The following TRIM9 variants were observed in gnomAD, a reference collection of about 807,000 sequenced individuals.
TRIM9 encodes tripartite motif containing 9.
TRIM9 carries 26 observed loss-of-function variants against 78.3 expected under a neutral mutation model. The observed-to-expected ratio is 0.33, with a 90% CI of 0.24 to 0.46. The LOEUF is 0.46. Ranked by LOEUF, TRIM9 falls within the 20% of genes least tolerant of loss-of-function variation. The pLI is 1.00. For missense variants in TRIM9, 787 were observed against 1,036.4 expected, an observed-to-expected ratio of 0.76 and a Z score of 3.30; for synonymous variants, 398 against 416.5, an observed-to-expected ratio of 0.96 and a Z score of 0.54.
intron 8 of TRIM9, among the ~76,000 whole-genome samples, chr14:50,985,317 G>A (rs1389779653): frequency 6.6e-6 from 1 of 152,094 alleles, no homozygotes; most frequent in African/African-American, 2.4e-5. Flanking sequence ...TTTCTAATTC[G>A]GCTAGCAGTG....
chr14:51,006,011 T>TCAA (rs71121619), intron 5 of TRIM9, among the ~76,000 whole-genome samples: 7,370 of 152,230 alleles, frequency 0.048, 249 homozygotes, highest in Middle Eastern at 0.14. Flanking sequence ...TTCTTTTTTA[T>TCAA]CAACAACAAC....
intron 3 of TRIM9, among the ~76,000 whole-genome samples, chr14:51,020,260 G>C (rs1474420943): frequency 6.6e-6 from 1 of 152,188 alleles, no homozygotes; most frequent in Non-Finnish European, 1.5e-5. Context: ...AAGGGAAAAG[G>C]CAGGGGGAGA....
intron 1 of TRIM9, among the ~76,000 whole-genome samples, chr14:51,049,906 G>A (rs2060259663): frequency 6.6e-6 from 1 of 152,066 alleles, no homozygotes; most frequent in African/African-American, 2.4e-5. Flanking sequence ...GCTCTGGTAT[G>A]TGTAAAAGGT....
intron 6 of TRIM9, among the ~76,000 whole-genome samples, chr14:51,000,445 A>T (rs913712597): frequency 3.9e-5 from 6 of 152,244 alleles, no homozygotes; most frequent in African/African-American, 1.2e-4. Context: ...GAATGCAGGC[A>T]GTCTGACTCC....
intron 10 of TRIM9, 33 bp downstream of exon 10, chr14:50,982,909 G>C (rs1441225743): frequency 1.3e-6 from 2 of 1,538,886 alleles, no homozygotes; most frequent in Non-Finnish European, 8.8e-7. Flanking sequence ...TTTGGTCTTT[G>C]CTATTTGGTA....
intron 3 of TRIM9, among the ~76,000 whole-genome samples, chr14:51,021,159 CT>C (rs2057724776): frequency 6.6e-6 from 1 of 152,136 alleles, no homozygotes; most frequent in South Asian, 2.1e-4. Context: ...GATTGAAGGG[CT>C]ATAGTGACAG....
intron 1 of TRIM9, among the ~76,000 whole-genome samples, chr14:51,042,880 C>T (rs1252419510): frequency 6.6e-6 from 1 of 152,152 alleles, no homozygotes; most frequent in East Asian, 1.9e-4. Flanking sequence ...CACAACCTCC[C>T]CTGCCTCCTT....
chr14:51,090,227 G>A (rs538170929), intron 1 of TRIM9, among the ~76,000 whole-genome samples: 8 of 152,290 alleles, frequency 5.3e-5, no homozygotes, highest in African/African-American at 1.4e-4. Context: ...ATGAACATAT[G>A]CTGCCTGTTA....
chr14:51,032,657 T>A (rs1377578991), intron 1 of TRIM9, among the ~76,000 whole-genome samples: 1 of 152,192 alleles, frequency 6.6e-6, no homozygotes, highest in Non-Finnish European at 1.5e-5. Flanking sequence ...ACACAACAAC[T>A]AACTATCTCT....
At chr14:51,037,487 C>T (rs2139940199) in intron 1 of TRIM9, among the ~76,000 whole-genome samples, 1 of 152,118 alleles carries the variant, frequency 6.6e-6, no homozygotes, top group South Asian at 2.1e-4. Context: ...AAAGCTAACT[C>T]ACAATGGTGA....
At chr14:51,030,323 C>T (rs1032714336) in intron 1 of TRIM9, among the ~76,000 whole-genome samples, 1 of 152,208 alleles carries the variant, frequency 6.6e-6, no homozygotes, top group Non-Finnish European at 1.5e-5. Context: ...CTGCTTGCAC[C>T]TTTAGTGCCT....
At chr14:51,039,064 G>A (rs2059384138) in intron 1 of TRIM9, among the ~76,000 whole-genome samples, 1 of 152,182 alleles carries the variant, frequency 6.6e-6, no homozygotes, top group African/African-American at 2.4e-5. Flanking sequence ...CACAAGATCT[G>A]AATTTAGAAG....
At chr14:51,023,061 T>A in intron 2 of TRIM9, 104 bp from the exon 3 acceptor site, 1 of 1,436,602 alleles carries the variant, frequency 7.0e-7, no homozygotes, top group Non-Finnish European at 9.5e-7. Flanking sequence ...AAAGGAACTC[T>A]GTCCACAATG....
At chr14:51,055,476 A>C (rs547361369) in intron 1 of TRIM9, among the ~76,000 whole-genome samples, 1 of 152,374 alleles carries the variant, frequency 6.6e-6, no homozygotes, top group East Asian at 1.9e-4. Flanking sequence ...AAACACAGAG[A>C]CTATCAAAAT....
chr14:51,088,638 T>C (rs1050352678), intron 1 of TRIM9, among the ~76,000 whole-genome samples: 4 of 151,360 alleles, frequency 2.6e-5, no homozygotes, highest in African/African-American at 9.7e-5. Context: ...TGGAGTAATT[T>C]CGAGTTGGTA....
intron 7 of TRIM9, chr14:50,997,576 T>C (rs1196768446): frequency 1.0e-6 from 1 of 1,001,374 alleles, no homozygotes; most frequent in Non-Finnish European, 1.2e-6. Flanking sequence ...CACCACCCAT[T>C]TGAAACACAT....
intron 1 of TRIM9, among the ~76,000 whole-genome samples, chr14:51,025,858 C>A (rs2058181490): frequency 6.6e-6 from 1 of 152,116 alleles, no homozygotes; most frequent in Non-Finnish European, 1.5e-5. Flanking sequence ...ATTCAATGGG[C>A]AGGATGACAT....
At chr14:50,997,359 G>A in intron 7 of TRIM9, 1 of 985,364 alleles carries the variant, frequency 1.0e-6, no homozygotes, top group South Asian at 4.7e-5. Context: ...CTTGTATGGT[G>A]GCTCTCGGTA....
At chr14:51,026,892 T>G (rs1033293780) in intron 1 of TRIM9, among the ~76,000 whole-genome samples, 1 of 152,234 alleles carries the variant, frequency 6.6e-6, no homozygotes, top group Non-Finnish European at 1.5e-5. Flanking sequence ...GAGGGTTGAA[T>G]GCATTAATCA....
Sources: gnomAD v4.1 joint callset for allele counts (sites outside exome capture counted in the v4.1 genomes callset) on GRCh38, gnomAD v4.1.1 for gene constraint, MANE v1.5 for transcripts, NCBI Gene and HGNC (gene_info 2026-07-23, HGNC 2026-07-21) for gene names.